Variants in TFIP11 observed in about 807,000 individuals in gnomAD.
TFIP11 encodes tuftelin interacting protein 11.
In TFIP11, 86 loss-of-function variants were observed where a neutral mutation model predicts 96.8. That is an observed-to-expected ratio of 0.89 (90% CI 0.75 to 1.06). The LOEUF (loss-of-function observed/expected upper bound fraction) is 1.06. TFIP11 is among the 50% of genes least tolerant of loss of function. The pLI, the probability that TFIP11 is intolerant of heterozygous loss-of-function variation, is 0.00. For missense variants in TFIP11, 881 were observed against 1,076.7 expected (o/e 0.82, Z 2.54); for synonymous variants, 405 against 395.2 (o/e 1.02, Z -0.29).
At chr22:26,506,199 G>T in intron 6 of TFIP11, 104 bp downstream of exon 6, 1 of 1,304,422 alleles carries the variant, frequency 7.7e-7, no homozygotes, top group Non-Finnish European at 1.0e-6. Context: ...AGGCTGGAGA[G>T]ATAAAGTGCT....
chr22:26,503,297 G>A (rs1207460269), intron 7 of TFIP11, among the ~76,000 whole-genome samples: 1 of 152,132 alleles, frequency 6.6e-6, no homozygotes, highest in Non-Finnish European at 1.5e-5. Context: ...GCCTCTCAGT[G>A]TCCTCTGGCT....
Position 26,491,333 on chromosome 22 carries a change from A to G in TFIP11, c.*680T>C. ...CAATTCATTGTGCAAAAGCATTTAA[A>G]TCAAAATACCCTATTTGTTATTTTT... On this transcript the variant is annotated 3_prime_UTR_variant, in exon 15 of 15. Transcript: ENST00000407690. 1 of 823,516 alleles carries G rather than the reference A, an allele frequency of 1.2e-6. No homozygotes were observed. The highest frequency in any genetic ancestry group is 1.9e-6 in the Non-Finnish European group (1 of 519,046). The allele number at this position is 823,516 out of a possible 1,614,324, so 51.0% of individuals were successfully genotyped here.
chr22:26,501,492 G>A (rs1029923599), intron 8 of TFIP11, among the ~76,000 whole-genome samples: 3 of 151,838 alleles, frequency 2.0e-5, no homozygotes, highest in Non-Finnish European at 4.4e-5. Flanking sequence ...AACAACGGAG[G>A]TAGGATCAAA....
chr22:26,510,576 C>A, intron 3 of TFIP11, 41 bp downstream of exon 3: 1 of 312,854 alleles, frequency 3.2e-6, no homozygotes, highest in Non-Finnish European at 6.0e-6. Context: ...ATACACAAAC[C>A]ACACAAAAAT....
intron 8 of TFIP11, 38 bp downstream of exon 8, chr22:26,501,862 G>A: frequency 6.4e-7 from 1 of 1,572,440 alleles, no homozygotes; most frequent in Non-Finnish European, 8.7e-7. Context: ...TATTTCTGGG[G>A]TGTGGATCCT....
chr22:26,493,786 A>G (rs1339234009), intron 14 of TFIP11: 1 of 241,796 alleles, frequency 4.1e-6, no homozygotes, highest in Non-Finnish European at 8.2e-6. Context: ...CAAACTCCAC[A>G]CTGTAAGATG....
intron 10 of TFIP11, among the ~76,000 whole-genome samples, chr22:26,498,219 G>A (rs139977847): frequency 0.01 from 1,528 of 152,290 alleles, 27 homozygotes; most frequent in African/African-American, 0.035. Context: ...GGGACTCGGG[G>A]AAAGGATGGG....
At chr22:26,496,347 T>C in intron 11 of TFIP11, 31 bp from the exon 12 acceptor site, 1 of 1,565,434 alleles carries the variant, frequency 6.4e-7, no homozygotes, top group Non-Finnish European at 8.7e-7. Context: ...ACAGTTCATG[T>C]CGCCTGTGGG....
Position 26,502,035 on chromosome 22 carries a change from C to G in TFIP11, c.666G>C (p.Leu222=). ...EEAEEEFQKE[L]SQWRKDPSGS... ...CACTTGGGTCTTTCCTCCACTGGCT[C>G]AGCTCCTTCTGAAACTCCTGAACCA... Residue 222 remains leucine (L), a synonymous_variant, in exon 8 of 15, where the codon CTG becomes CTC. Transcript: ENST00000407690. 6.2e-7 allele frequency: 1 copy of G among 1,614,008 alleles called. No individual in the cohort carries two copies. Among genetic ancestry groups the G allele is most frequent in the East Asian group, 2.2e-5 (1 of 44,794 alleles).
At position 26,509,782 on chromosome 22, in the gene TFIP11, G is replaced by A. The variant is rs186897805; in HGVS notation, c.209+282C>T. Reference sequence around the variant, plus strand: ...GAGGCACGGGAATCACTTAAACCTGGAAGGTGGAGGTTGCAGCTAGCCAAG... The same window carrying A: ...GAGGCACGGGAATCACTTAAACCTGAAAGGTGGAGGTTGCAGCTAGCCAAG... On this transcript the variant is annotated intron_variant, in intron 4 of 14. Transcript: ENST00000407690. Among the ~76,000 whole-genome samples the A allele has an allele frequency of 1.7e-3, 252 of 152,312 alleles. 1 individual carries two copies. Among genetic ancestry groups the A allele is most frequent in the African/African-American group, 5.6e-3 (232 of 41,566 alleles).
rs1229217198 is a variant in TFIP11 at position 26,499,561 on chromosome 22, A to G, written c.872T>C (p.Val291Ala). 6.2e-7 allele frequency: 1 copy of G among 1,614,152 alleles called. No individual in the cohort carries two copies. Among genetic ancestry groups the G allele is most frequent in the Non-Finnish European group, 8.5e-7 (1 of 1,180,042 alleles). The change falls in exon 9 of 15, where the codon GTT becomes GCT. Residue 291 changes from valine (V) to alanine (A), a missense_variant. Physicochemically the swap from Val to Ala is moderately conservative, Grantham distance 64 (BLOSUM62 0). Coordinates refer to ENST00000407690, the MANE Select transcript of TFIP11 (RefSeq NM_012143.4). The stretch of plus-strand genomic sequence containing the variant: ...CTGTAGCGGCAGCCCATCATCGGGA[A>G]CGTTGTGCTTGTGGCTGATCTGACT... ...SYSQISHKHN[V>A]PDDGLPLQSQ...
intron 14 of TFIP11, 153 bp downstream of exon 14, chr22:26,493,984 CCA>C: frequency 1.3e-6 from 1 of 770,792 alleles, no homozygotes. Flanking sequence ...ACCATGTACC[CCA>C]GTCAGCAGGG....
Position 26,502,851 on chromosome 22 carries a change from A to G in TFIP11, c.649-799T>C, listed in dbSNP as rs936451357. Among the ~76,000 whole-genome samples the G allele has an allele frequency of 2.5e-4, 38 of 151,152 alleles. 1 individual carries two copies. The highest frequency in any genetic ancestry group is 4.9e-5 in the African/African-American group (2 of 41,072). ...TCACCTCTGTGCCACAGTCCCCACC[A>G]CTCTTTATTGTCTAGCACCTGGCTC... On this transcript the variant is annotated intron_variant, in intron 7 of 14. Transcript: ENST00000407690.
chr22:26,500,758 C>T (rs756869377), intron 8 of TFIP11, among the ~76,000 whole-genome samples: 8 of 151,890 alleles, frequency 5.3e-5, no homozygotes, highest in Non-Finnish European at 5.9e-5. Context: ...GATAACAGCA[C>T]GTTTGAGAAC....
chr22:26,495,033 C>T (rs1259350075), intron 12 of TFIP11, 94 bp from the exon 13 acceptor site: 3 of 1,541,566 alleles, frequency 1.9e-6, no homozygotes, highest in African/African-American at 2.7e-5. Flanking sequence ...TTCATCTCAG[C>T]TTACAGCAAC....
At chr22:26,497,376 G>C (rs1211331831) in intron 10 of TFIP11, among the ~76,000 whole-genome samples, 1 of 152,128 alleles carries the variant, frequency 6.6e-6, no homozygotes, top group Non-Finnish European at 1.5e-5. Context: ...CTGTACTGTA[G>C]ACAGAGGCTG....
At chr22:26,507,076 C>T in intron 4 of TFIP11, 148 bp from the exon 5 acceptor site, 1 of 989,778 alleles carries the variant, frequency 1.0e-6, no homozygotes, top group Non-Finnish European at 1.4e-6. Context: ...TTTAATGTGT[C>T]AAAAAATCCA....
chr22:26,499,065 C>T (rs750890586), intron 9 of TFIP11, 39 bp downstream of exon 9: 25 of 1,602,182 alleles, frequency 1.6e-5, no homozygotes, highest in Middle Eastern at 1.7e-4. Flanking sequence ...GTAAGCCCAA[C>T]CGAGAGGCAG....
Position 26,506,930 on chromosome 22 carries a change from T to A in TFIP11, c.210-2A>T. ...ACTGGCGCAGAGTAGTCACGGGCCC[T>A]GTAGGCACAGAAACAAAGCCCCACC... On this transcript the variant is annotated splice_acceptor_variant, in intron 4 of 14. Coordinates refer to ENST00000407690, the MANE Select transcript of TFIP11 (RefSeq NM_012143.4). LOFTEE classifies it high-confidence loss of function. 1.9e-6 allele frequency: 3 copies of A among 1,613,464 alleles called. No homozygotes were observed. Among genetic ancestry groups the A allele is most frequent in the Non-Finnish European group, 2.5e-6 (3 of 1,179,602 alleles).
Sources: gnomAD v4.1 joint callset for allele counts (sites outside exome capture counted in the v4.1 genomes callset) on GRCh38, gnomAD v4.1.1 for gene constraint, MANE v1.5 for transcripts, NCBI Gene and HGNC (gene_info 2026-07-23, HGNC 2026-07-21) for gene names.